PLBD2: variants seen among roughly 807,000 people sequenced by gnomAD.
The protein encoded by PLBD2 is phospholipase B domain containing 2.
Under a neutral mutation model 68.3 loss-of-function variants are expected in PLBD2, and 51 were observed. The ratio of observed to expected loss-of-function variants is 0.75; its 90% CI spans 0.60 to 0.94. The LOEUF is 0.94. PLBD2 is among the 40% of genes least tolerant of loss of function. The pLI is 0.00. For synonymous variants in PLBD2, 314 were observed against 339.3 expected (o/e 0.93, Z 0.82); for missense variants, 729 against 792.2 (o/e 0.92, Z 0.96).
Position 113,387,902 on chromosome 12 carries a change from T to C in PLBD2, c.1598T>C (p.Val533Ala), listed in dbSNP as rs758498982. The change falls in exon 11 of 12, where the codon GTG (valine) becomes GCG (alanine). Residue 533 changes from valine to alanine, a missense_variant. Val to Ala is a moderately conservative substitution (Grantham distance 64). Transcript: ENST00000280800. ...CAGCGCTCCCATGGGGGTATCGATG[T>C]GAAGGTGCTGCCTCCTCCCTAGGGC... ...LRQRSHGGIDVKVTSMSLARI... is the reference protein window; with the variant it reads ...LRQRSHGGIDAKVTSMSLARI... 1.2e-6 allele frequency: 2 copies of C among 1,614,110 alleles called. No individual in the cohort carries two copies. The highest frequency in any genetic ancestry group is 3.3e-5 in the Admixed American group (2 of 60,024).
Position 113,372,791 on chromosome 12 carries a change from C to T in PLBD2, c.527C>T (p.Ser176Leu). The change falls in exon 3 of 12, where the codon TCA (serine) becomes TTA (leucine). Residue 176 changes from serine to leucine, a missense_variant. By Grantham distance (145) the Ser-to-Leu change is moderately radical. Transcript: ENST00000280800. The surrounding 1 kb of genome is among the most constrained non-coding windows in gnomAD (Gnocchi z 4.2). Reference protein sequence around the residue: ...MQEEMESNPDSPYWHQVRLTL... With the variant: ...MQEEMESNPDLPYWHQVRLTL... ...GAAGAGATGGAGTCAAACCCAGACT[C>T]ACCTTACTGGCACCAGGTGAGTCCT... 1 of 1,613,494 alleles carries T rather than the reference C, an allele frequency of 6.2e-7. No individual in the cohort carries two copies.
intron 1 of PLBD2, among the ~76,000 whole-genome samples, chr12:113,360,742 C>T (rs1476328575): frequency 1.3e-5 from 2 of 152,168 alleles, no homozygotes; most frequent in Admixed American, 6.5e-5. Context: ...TGCAACCTCC[C>T]CACCCTGGGT....
intron 1 of PLBD2, among the ~76,000 whole-genome samples, chr12:113,364,197 C>A (rs1957321602): frequency 1.3e-5 from 2 of 152,238 alleles, no homozygotes; most frequent in South Asian, 4.1e-4. Context: ...CACTGCCCGT[C>A]TCCGGGGCCT....
chr12:113,386,416 C>T (rs547873860), intron 9 of PLBD2, among the ~76,000 whole-genome samples: 3 of 141,616 alleles, frequency 2.1e-5, no homozygotes, highest in African/African-American at 8.6e-5. Flanking sequence ...TGCAATGGTG[C>T]GATCTCAGCT....
At chr12:113,388,057 A>G in intron 11 of PLBD2, 151 bp downstream of exon 11, 1 of 1,044,394 alleles carries the variant, frequency 9.6e-7, no homozygotes, top group South Asian at 1.5e-5. Flanking sequence ...AGGTGACAGT[A>G]TGGGCTGGGC....
At chr12:113,367,773 G>T (rs969648203) in intron 1 of PLBD2, among the ~76,000 whole-genome samples, 2 of 146,274 alleles carry the variant, frequency 1.4e-5, no homozygotes, top group African/African-American at 5.1e-5. Flanking sequence ...AAAGAAAAAA[G>T]CCCTGGTGCA....
At chr12:113,380,544 C>A (rs1469070070) in intron 5 of PLBD2, among the ~76,000 whole-genome samples, 2 of 152,204 alleles carry the variant, frequency 1.3e-5, no homozygotes, top group Non-Finnish European at 2.9e-5. Flanking sequence ...ATAAGTTTTG[C>A]TGCTAGCTTT....
chr12:113,365,843 C>T (rs372013426), intron 1 of PLBD2, among the ~76,000 whole-genome samples: 2 of 152,152 alleles, frequency 1.3e-5, no homozygotes, highest in East Asian at 3.9e-4. Context: ...GAACAGCTGT[C>T]ACCTCTTCTG....
chr12:113,358,627 C>T lies in PLBD2; in HGVS notation c.27C>T (p.Pro9=), dbSNP rs755872735. 67 of 1,467,558 alleles carry T rather than the reference C, an allele frequency of 4.6e-5. No individual in the cohort carries two copies. Among genetic ancestry groups the T allele is most frequent in the Non-Finnish European group, 5.8e-5 (65 of 1,117,242 alleles). The allele number at this position is 1,467,558 out of a possible 1,614,324, so 90.9% of individuals were successfully genotyped here. A position where few individuals can be genotyped will look rare whatever the true frequency, so the allele number is the denominator to read the frequency against. MVGQMYCY[P]GSHLARALTR... ...TGGTGGGCCAGATGTACTGCTACCCCGGCAGCCACCTGGCCCGGGCGCTGA... is the reference window on the plus strand; with the variant it reads ...TGGTGGGCCAGATGTACTGCTACCCTGGCAGCCACCTGGCCCGGGCGCTGA... Residue 9 remains proline, a synonymous_variant, in exon 1 of 12, where the codon CCC becomes CCT. Coordinates refer to ENST00000280800, the MANE Select transcript of PLBD2 (RefSeq NM_173542.4).
chr12:113,388,059 G>A (rs1957570720), intron 11 of PLBD2, among the ~76,000 whole-genome samples, 153 bp downstream of exon 11: 2 of 152,098 alleles, frequency 1.3e-5, no homozygotes, highest in Non-Finnish European at 2.9e-5. Flanking sequence ...GTGACAGTAT[G>A]GGCTGGGCAC....
At chr12:113,382,835 T>TGTG (rs1555206477) in intron 6 of PLBD2, among the ~76,000 whole-genome samples, 5 of 106,608 alleles carry the variant, frequency 4.7e-5, no homozygotes, top group East Asian at 2.8e-4. Context: ...TGGTGGTTTT[T>TGTG]TGTGTGTGTG....
chr12:113,382,449 T>A (rs1322007371), intron 6 of PLBD2, among the ~76,000 whole-genome samples: 2 of 150,864 alleles, frequency 1.3e-5, no homozygotes, highest in African/African-American at 2.4e-5. Context: ...ATTTCAGGAT[T>A]TTTTTTTTTC....
At position 113,372,870 on chromosome 12, in the gene PLBD2, G is replaced by C; in HGVS notation, c.543+63G>C. ...CAGCTGGCCAGCCATCCTGTCTCCT[G>C]TTGTTCTGGCCAGCCTTGTGGCATG... On this transcript the variant is annotated intron_variant, in intron 3 of 11. Coordinates refer to ENST00000280800, the MANE Select transcript of PLBD2 (RefSeq NM_173542.4). The surrounding 1 kb of genome is among the most constrained non-coding windows in gnomAD (Gnocchi z 4.2). The C allele has an allele frequency of 6.4e-7, 1 of 1,573,146 alleles. No individual in the cohort carries two copies. Among genetic ancestry groups the C allele is most frequent in the Non-Finnish European group, 8.6e-7 (1 of 1,160,244 alleles).
Position 113,374,510 on chromosome 12 carries a change from G to A in PLBD2, c.580G>A (p.Asp194Asn). The A allele has an allele frequency of 6.2e-7, 1 of 1,606,432 alleles. No homozygotes were observed. The highest frequency in any genetic ancestry group is 8.5e-7 in the Non-Finnish European group (1 of 1,177,098). ...LTLLQLKGLE[D>N]SYEGRVSFPA... ...CCTCCTGCAGCTGAAAGGCCTGGAGGACAGCTACGAAGGCCGTGTGAGCTT... is the reference window on the plus strand; with the variant it reads ...CCTCCTGCAGCTGAAAGGCCTGGAGAACAGCTACGAAGGCCGTGTGAGCTT... The change falls in exon 4 of 12, where the codon GAC becomes AAC. Residue 194 changes from aspartate (D) to asparagine (N), a missense_variant. Transcript: ENST00000280800.
At chr12:113,387,166 A>C in intron 10 of PLBD2, 77 bp downstream of exon 10, 5 of 1,466,062 alleles carry the variant, frequency 3.4e-6, no homozygotes, top group Non-Finnish European at 4.5e-6. Flanking sequence ...TTTTTGTACC[A>C]ACTCATTCAA....
Position 113,388,746 on chromosome 12 carries a change from G to A in PLBD2, c.*120G>A. On this transcript the variant is annotated 3_prime_UTR_variant, in exon 12 of 12. Coordinates refer to ENST00000280800, the MANE Select transcript of PLBD2 (RefSeq NM_173542.4). ...TGGGGGCTTCGTTCTCTGATCTGGGGTCTGAGTCATCTCCTCCTAGAGTGG... is the reference window on the plus strand; with the variant it reads ...TGGGGGCTTCGTTCTCTGATCTGGGATCTGAGTCATCTCCTCCTAGAGTGG... 4.4e-6 allele frequency: 5 copies of A among 1,129,046 alleles called. No individual in the cohort carries two copies. The highest frequency in any genetic ancestry group is 6.1e-6 in the Non-Finnish European group (5 of 824,688). 69.9% of individuals were successfully genotyped at this position (1,129,046 alleles called of 1,614,324 possible).
chr12:113,382,048 C>A (rs992368513), intron 6 of PLBD2, among the ~76,000 whole-genome samples: 3 of 152,118 alleles, frequency 2.0e-5, no homozygotes, highest in African/African-American at 7.2e-5. Context: ...GTCTCGAACT[C>A]CTGGGTTGAA....
rs764440765 is a variant in PLBD2, at chr12:113,369,170, C to T, written c.345C>T (p.Ala115=). 1 of 1,607,620 alleles carries T rather than the reference C, an allele frequency of 6.2e-7. No homozygotes were observed. The highest frequency in any genetic ancestry group is 2.2e-5 in the East Asian group (1 of 44,750). Residue 115 remains alanine, a synonymous_variant, in exon 2 of 12, where the codon GCC becomes GCT. Transcript: ENST00000280800. Reference sequence around the variant, plus strand: ...GCCAATACAATGACAGCTTGCAGGCCTATGCAGCCGGTGTGGTGGAGGCTG... The same window carrying T: ...GCCAATACAATGACAGCTTGCAGGCTTATGCAGCCGGTGTGGTGGAGGCTG... ...TSGQYNDSLQ[A]YAAGVVEAAV... is the part of the protein sequence containing the mutation.
chr12:113,363,374 T>G (rs1285064678), intron 1 of PLBD2, among the ~76,000 whole-genome samples: 2 of 152,036 alleles, frequency 1.3e-5, no homozygotes, highest in Non-Finnish European at 2.9e-5. Flanking sequence ...GAGGCTACAC[T>G]GAGCTGTGAT....
Sources: allele counts gnomAD v4.1 joint callset (sites outside exome capture counted in the v4.1 genomes callset), GRCh38; gene constraint gnomAD v4.1.1; non-coding constraint Gnocchi (gnomAD v3.1); transcripts MANE v1.5; gene names NCBI Gene and HGNC (gene_info 2026-07-23, HGNC 2026-07-21).